Variants in NEK11 observed in about 807,000 individuals in gnomAD.
NEK11 encodes the protein serine/threonine-protein kinase Nek11.
NEK11 carries 72 observed loss-of-function variants against 80.7 expected under a neutral mutation model. That is an observed-to-expected ratio of 0.89 (90% CI 0.74 to 1.08). The LOEUF (loss-of-function observed/expected upper bound fraction) is 1.08, where lower values mean the gene tolerates loss of function less well. Ranked by LOEUF, NEK11 falls within the 50% of genes least tolerant of loss-of-function variation. The probability of loss-of-function intolerance (pLI) is 0.00; values close to 1 mark genes in which losing one functional copy is unlikely to be tolerated. For synonymous variants in NEK11, 251 were observed against 260.7 expected (o/e 0.96, Z 0.36); for missense variants, 764 against 763.6 (o/e 1.00, Z -0.01).
At chr3:131,250,808 T>G (rs2095686575) in intron 16 of NEK11, among the ~76,000 whole-genome samples, 1 of 152,106 alleles carries the variant, frequency 6.6e-6, no homozygotes, top group Non-Finnish European at 1.5e-5. Flanking sequence ...TTGCAGTTCC[T>G]TTGGTGAGTT....
At chr3:131,310,597 AT>A (rs1477943020) in intron 17 of NEK11, among the ~76,000 whole-genome samples, 4 of 152,230 alleles carry the variant, frequency 2.6e-5, no homozygotes, top group Non-Finnish European at 5.9e-5. Flanking sequence ...CATGACAGAT[AT>A]ACTTTCAAAC....
At chr3:131,231,864 C>T (rs2095336675) in intron 15 of NEK11, among the ~76,000 whole-genome samples, 1 of 152,026 alleles carries the variant, frequency 6.6e-6, no homozygotes, top group African/African-American at 2.4e-5. Context: ...ACACAAATGC[C>T]TTCTATGTGT....
chr3:131,213,821 GT>G (rs1371935824), intron 14 of NEK11, among the ~76,000 whole-genome samples: 1 of 152,148 alleles, frequency 6.6e-6, no homozygotes, highest in Non-Finnish European at 1.5e-5. Context: ...TGCAGTACAT[GT>G]TTTTGTCCCC....
chr3:131,249,332 T>C (rs111678964), intron 16 of NEK11, among the ~76,000 whole-genome samples: 3,341 of 152,152 alleles, frequency 0.022, 104 homozygotes, highest in African/African-American at 0.075. Flanking sequence ...ATCTCATAAA[T>C]GCTCAAGATT....
chr3:131,152,631 C>A lies in NEK11; in HGVS notation c.798C>A (p.Ser266Arg). 1 of 1,612,188 alleles carries A rather than the reference C, an allele frequency of 6.2e-7. No homozygotes were observed. Among genetic ancestry groups the A allele is most frequent in the Non-Finnish European group, 8.5e-7 (1 of 1,178,948 alleles). The change falls in exon 9 of 18, where the codon AGC (serine) becomes AGA (arginine). Residue 266 changes from serine (S) to arginine (R), a missense_variant and splice_region_variant. Coordinates refer to ENST00000383366, the MANE Select transcript of NEK11 (RefSeq NM_024800.5). Reference protein sequence around the residue: ...YPKELNAIMESMLNKNPSLRP... With the variant: ...YPKELNAIMERMLNKNPSLRP... ...ATAATTTTCTGTTTAAACATTACAG[C>A]ATGTTGAACAAGAATCCTTCATTAA...
At chr3:131,333,345 G>A (rs1312403343) in intron 17 of NEK11, among the ~76,000 whole-genome samples, 1 of 152,166 alleles carries the variant, frequency 6.6e-6, no homozygotes, top group African/African-American at 2.4e-5. Flanking sequence ...TTTCAACCCA[G>A]AATTTCATAT....
intron 5 of NEK11, among the ~76,000 whole-genome samples, chr3:131,110,476 G>A (rs1483725581): frequency 6.6e-6 from 1 of 152,096 alleles, no homozygotes; most frequent in Admixed American, 6.6e-5. Flanking sequence ...TTGATTATCT[G>A]TGATTTACAT....
At chr3:131,310,741 T>G (rs1345049818) in intron 17 of NEK11, among the ~76,000 whole-genome samples, 1 of 152,174 alleles carries the variant, frequency 6.6e-6, no homozygotes, top group Non-Finnish European at 1.5e-5. Context: ...CACAGAAGAA[T>G]GACAAATGCA....
intron 17 of NEK11, among the ~76,000 whole-genome samples, chr3:131,278,903 C>A (rs2096349676): frequency 6.6e-6 from 1 of 152,076 alleles, no homozygotes; most frequent in South Asian, 2.1e-4. Context: ...CTCTGGCCCC[C>A]TCCCTCCTGA....
At chr3:131,168,679 T>G in intron 12 of NEK11, 151 bp from the exon 13 acceptor site, 1 of 554,168 alleles carries the variant, frequency 1.8e-6, no homozygotes, top group Non-Finnish European at 3.2e-6. Context: ...TTATAATCCC[T>G]CTGCTAATTC....
At chr3:131,278,453 A>G (rs912931727) in intron 17 of NEK11, among the ~76,000 whole-genome samples, 22 of 152,198 alleles carry the variant, frequency 1.4e-4, no homozygotes, top group African/African-American at 5.1e-4. Context: ...AGGTGGATGG[A>G]TGGGTGAACG....
chr3:131,186,283 A>G (rs996220712), intron 14 of NEK11, among the ~76,000 whole-genome samples: 19 of 152,232 alleles, frequency 1.2e-4, no homozygotes, highest in African/African-American at 4.3e-4. Context: ...TATGAAAAAT[A>G]TAAAATCACT....
At chr3:131,216,492 G>C (rs1192646337) in intron 14 of NEK11, among the ~76,000 whole-genome samples, 1 of 152,248 alleles carries the variant, frequency 6.6e-6, no homozygotes, top group Non-Finnish European at 1.5e-5. Context: ...TGGAAGATAG[G>C]AGATGATTGC....
chr3:131,037,176 C>T (rs1484448660), intron 3 of NEK11, among the ~76,000 whole-genome samples: 1 of 152,122 alleles, frequency 6.6e-6, no homozygotes, highest in Non-Finnish European at 1.5e-5. Flanking sequence ...CTAAGGAATG[C>T]AAGCTTCGGT....
chr3:131,027,110 G>A (rs547713012), intron 1 of NEK11, 104 bp downstream of exon 1: 1 of 152,404 alleles, frequency 6.6e-6, no homozygotes, highest in East Asian at 1.9e-4. Flanking sequence ...AGGACGCCAT[G>A]GCTGCGATCT....
Position 131,165,446 on chromosome 3 carries a change from A to G in NEK11, c.1103A>G (p.Tyr368Cys), listed in dbSNP as rs368243421. The stretch of plus-strand genomic sequence containing the variant: ...TACAGAAAGATTGTGGAAGAAAAAT[A>G]TGAAGAAAATAGCAAACGAATGCAA... Reference protein sequence around the residue: ...RKLKKIVEEKYEENSKRMQEL... With the variant: ...RKLKKIVEEKCEENSKRMQEL... Residue 368 changes from tyrosine to cysteine, a missense_variant, in exon 12 of 18, where the codon TAT (tyrosine) becomes TGT (cysteine). Tyr to Cys is a radical substitution (Grantham distance 194). Transcript: ENST00000383366. 3 of 1,610,944 alleles carry G rather than the reference A, an allele frequency of 1.9e-6. No homozygotes were observed. Among genetic ancestry groups the G allele is most frequent in the Non-Finnish European group, 2.5e-6 (3 of 1,177,130 alleles).
chr3:131,241,816 G>T (rs527939979), intron 15 of NEK11, among the ~76,000 whole-genome samples: 1 of 152,058 alleles, frequency 6.6e-6, no homozygotes, highest in Non-Finnish European at 1.5e-5. Context: ...CTAAGAGATA[G>T]ATGTATATAG....
intron 17 of NEK11, among the ~76,000 whole-genome samples, chr3:131,336,418 T>C (rs1010710522): frequency 1.3e-5 from 2 of 152,128 alleles, no homozygotes; most frequent in African/African-American, 2.4e-5. Flanking sequence ...TAGCCATATA[T>C]AGAAAGCCGA....
chr3:131,072,619 T>G (rs1239721963), intron 3 of NEK11, among the ~76,000 whole-genome samples: 1 of 152,134 alleles, frequency 6.6e-6, no homozygotes, highest in Non-Finnish European at 1.5e-5. Flanking sequence ...AAGGAGGAGC[T>G]GTATATGATT....
Sources: gnomAD v4.1 joint callset for allele counts (sites outside exome capture counted in the v4.1 genomes callset) on GRCh38, gnomAD v4.1.1 for gene constraint, MANE v1.5 for transcripts, NCBI Gene and HGNC (gene_info 2026-07-23, HGNC 2026-07-21) for gene names.